Variants in MLLT6 observed in about 807,000 individuals in gnomAD.
MLLT6 encodes protein AF-17.
MLLT6 carries 22 observed loss-of-function variants against 103.0 expected under a neutral mutation model. The observed-to-expected ratio is 0.21, with a 90% CI of 0.15 to 0.31. The LOEUF (loss-of-function observed/expected upper bound fraction) is 0.31, where lower values mean the gene tolerates loss of function less well. Ranked by LOEUF, MLLT6 falls within the 10% of genes least tolerant of loss-of-function variation. The pLI, the probability that MLLT6 is intolerant of heterozygous loss-of-function variation, is 1.00. For synonymous variants in MLLT6, 606 were observed against 623.5 expected, an observed-to-expected ratio of 0.97 and a Z score of 0.42; for missense variants, 1,199 against 1,441.7, an observed-to-expected ratio of 0.83 and a Z score of 2.73.
Position 38,729,669 on chromosome 17 carries a change from A to G in MLLT6, c.*4071A>G, listed in dbSNP as rs1034964855. 8.7e-6 allele frequency: 2 copies of G among 229,084 alleles called. No individual in the cohort carries two copies. The highest frequency in any genetic ancestry group is 4.4e-5 in the African/African-American group (2 of 44,978). 14.2% of individuals were successfully genotyped at this position (229,084 alleles called of 1,614,324 possible). A position where few individuals can be genotyped will look rare whatever the true frequency, so the allele number is the denominator to read the frequency against. ...AGGCGATGCCCCCCTGCCACCTCCAAGCCTGGAATTGTGCATAACCCGGAT... is the reference window on the plus strand; with the variant it reads ...AGGCGATGCCCCCCTGCCACCTCCAGGCCTGGAATTGTGCATAACCCGGAT... On this transcript the variant is annotated 3_prime_UTR_variant, in exon 20 of 20. Coordinates refer to ENST00000621332, the MANE Select transcript of MLLT6 (RefSeq NM_005937.4).
intron 6 of MLLT6, among the ~76,000 whole-genome samples, chr17:38,711,099 G>T (rs997910166): frequency 2.2e-4 from 33 of 152,148 alleles, no homozygotes; most frequent in African/African-American, 7.7e-4. Flanking sequence ...GCTGCCCACT[G>T]GTCAGATAAG....
In MLLT6 at chr17:38,715,791, C is replaced by T. The variant is rs746487354; in HGVS notation, c.999C>T (p.Ser333=). ...SFTSASSSSS[S]SSSSSGGPFQ... ...CCTCCGCCTCCTCTTCTTCCTCCTC[C>T]TCTTCCTCCTCCTCTGGGGGGCCCT... is the stretch of plus-strand genomic sequence containing the variant. The change falls in exon 9 of 20, where the codon TCC becomes TCT. Residue 333 remains serine (S), a synonymous_variant. Transcript: ENST00000621332. 1 of 1,608,124 alleles carries T rather than the reference C, an allele frequency of 6.2e-7. No individual in the cohort carries two copies. The highest frequency in any genetic ancestry group is 1.1e-5 in the South Asian group (1 of 90,052).
At chr17:38,717,351 G>A in intron 10 of MLLT6, 81 bp from the exon 11 acceptor site, 8 of 1,162,926 alleles carry the variant, frequency 6.9e-6, no homozygotes, top group Non-Finnish European at 8.6e-6. Context: ...TCGAGCTGGG[G>A]AGGGGCTGTC....
At chr17:38,723,782 G>T (rs565488130) in intron 18 of MLLT6, among the ~76,000 whole-genome samples, 218 of 144,728 alleles carry the variant, frequency 1.5e-3, no homozygotes, top group Non-Finnish European at 2.8e-3. Flanking sequence ...CACTCTTGTT[G>T]CCCAGGCTGG....
chr17:38,720,027 G>A, intron 14 of MLLT6, 132 bp downstream of exon 14: 1 of 1,273,850 alleles, frequency 7.9e-7, no homozygotes, highest in South Asian at 1.5e-5. Context: ...GGCCACCCCG[G>A]GCCTCACCTC....
At chr17:38,717,302 G>T in intron 10 of MLLT6, 130 bp from the exon 11 acceptor site, 1 of 797,426 alleles carries the variant, frequency 1.3e-6, no homozygotes. Context: ...TGCAGCAAGA[G>T]GGTTAGACTG....
Position 38,728,175 on chromosome 17 carries a change from C to T in MLLT6, c.*2577C>T, listed in dbSNP as rs1403769445. ...GTATGAACGGGTGCAGCCCTCTTCTCCTCTTCCCCCCCACATCTCTCATGA... is the reference window on the plus strand; with the variant it reads ...GTATGAACGGGTGCAGCCCTCTTCTTCTCTTCCCCCCCACATCTCTCATGA... On this transcript the variant is annotated 3_prime_UTR_variant, in exon 20 of 20. Coordinates refer to ENST00000621332, the MANE Select transcript of MLLT6 (RefSeq NM_005937.4). The T allele has an allele frequency of 4.3e-6, 1 of 233,210 alleles. No individual in the cohort carries two copies. Among genetic ancestry groups the T allele is most frequent in the Non-Finnish European group, 8.5e-6 (1 of 118,126 alleles). 14.4% of individuals were successfully genotyped at this position (233,210 alleles called of 1,614,324 possible).
Position 38,708,137 on chromosome 17 carries a change from CATTTT to C in MLLT6, c.354+269_354+273del, listed in dbSNP as rs978225408. ...ACTTCATTCATTCATTCGCTGGACA[CATTTT>C]ATTAAGTGCCTACTATGTGCCAGAC... On this transcript the variant is annotated intron_variant, in intron 4 of 19. Coordinates refer to ENST00000621332, the MANE Select transcript of MLLT6 (RefSeq NM_005937.4). The C allele has an allele frequency of 3.0e-4, 154 of 513,554 alleles. 3 individuals are homozygous for C. The highest frequency in any genetic ancestry group is 2.5e-3 in the South Asian group (108 of 43,650). 31.8% of individuals were successfully genotyped at this position (513,554 alleles called of 1,614,324 possible). A position where few individuals can be genotyped will look rare whatever the true frequency, so the allele number is the denominator to read the frequency against.
rs1330001161 is a variant in MLLT6 at position 38,712,851 on chromosome 17, C to T, written c.819+62C>T. The T allele has an allele frequency of 1.9e-5, 24 of 1,278,194 alleles. No homozygotes were observed. In the East Asian group the frequency reaches 4.0e-4, roughly 21 times the overall value. 79.2% of individuals were successfully genotyped at this position (1,278,194 alleles called of 1,614,324 possible). A position where few individuals can be genotyped will look rare whatever the true frequency, so the allele number is the denominator to read the frequency against. Reference sequence around the variant, plus strand: ...GTCTGGGGTGGCAGAGGGAGGGAGGCGGGGGCGAGAGGTTGGTGAGTCAGG... The same window carrying T: ...GTCTGGGGTGGCAGAGGGAGGGAGGTGGGGGCGAGAGGTTGGTGAGTCAGG... On this transcript the variant is annotated intron_variant, in intron 8 of 19. Transcript: ENST00000621332.
Position 38,707,229 on chromosome 17 carries a change from G to GCT in MLLT6, c.189+201_189+202dup, listed in dbSNP as rs538079682. ...CCCTCTGCCCCACCTCAGGCATGGG[G>GCT]CTTTGGTTTTTGTCTGTTTGAACTT... On this transcript the variant is annotated intron_variant, in intron 2 of 19. Transcript: ENST00000621332. Among the ~76,000 whole-genome samples the GCT allele has an allele frequency of 2.5e-3, 380 of 152,270 alleles. 1 individual carries two copies. The highest frequency in any genetic ancestry group is 8.8e-3 in the African/African-American group (364 of 41,536).
At chr17:38,720,346 C>T (rs1390535003) in intron 14 of MLLT6, 26 bp from the exon 15 acceptor site, 8 of 1,581,874 alleles carry the variant, frequency 5.1e-6, no homozygotes, top group East Asian at 2.3e-5. Context: ...CTCGCCCCTC[C>T]CTCAGGTTCC....
chr17:38,705,581 G>T lies in MLLT6; in HGVS notation c.-52G>T. ...GCTCCCTCCCTCCCCCCTGACCCCC[G>T]ACCCCCGCCGGCCGGCCCCCCGCCC... On this transcript the variant is annotated 5_prime_UTR_variant, in exon 1 of 20. Coordinates refer to ENST00000621332, the MANE Select transcript of MLLT6 (RefSeq NM_005937.4). The T allele has an allele frequency of 5.9e-6, 1 of 169,470 alleles. No homozygotes were observed. The allele number at this position is 169,470 out of a possible 1,614,324, so 10.5% of individuals were successfully genotyped here.
intron 8 of MLLT6, chr17:38,713,724 C>G (rs72836948): frequency 6.6e-6 from 1 of 152,256 alleles, no homozygotes. Context: ...GGGAGTTTTT[C>G]CAGTAACTGG....
intron 6 of MLLT6, among the ~76,000 whole-genome samples, 154 bp from the exon 7 acceptor site, chr17:38,711,690 TCTG>T (rs886524311): frequency 6.6e-6 from 1 of 152,150 alleles, no homozygotes; most frequent in Non-Finnish European, 1.5e-5. Flanking sequence ...GGAACACCCT[TCTG>T]CTGAGCAGAG....
chr17:38,724,530 T>TG lies in MLLT6; in HGVS notation c.2884-86dup. On this transcript the variant is annotated intron_variant, in intron 18 of 19. Coordinates refer to ENST00000621332, the MANE Select transcript of MLLT6 (RefSeq NM_005937.4). This position sits in a 1 kb window ranked among gnomAD's most constrained non-coding sequence, Gnocchi z 5.4. The stretch of plus-strand genomic sequence containing the variant: ...CTCTTGCCTCCTGATTCCAGTGTGA[T>TG]GGGGTGGGGCCTGGCCAGGCAGGGC... 1 of 954,844 alleles carries TG rather than the reference T, an allele frequency of 1.0e-6. No individual in the cohort carries two copies. Among genetic ancestry groups the TG allele is most frequent in the East Asian group, 2.6e-5 (1 of 38,484 alleles). The allele number at this position is 954,844 out of a possible 1,614,324, so 59.1% of individuals were successfully genotyped here.
At position 38,705,467 on chromosome 17, in the gene MLLT6, A is replaced by C; in HGVS notation, c.-166A>C. On this transcript the variant is annotated 5_prime_UTR_variant, in exon 1 of 20. Transcript: ENST00000621332. The stretch of plus-strand genomic sequence containing the variant: ...GCGAGCGAGGAGGAGGAGGAGGAGG[A>C]CGCGGAGGAGGAGGAAGGAGGAGGC... The C allele has an allele frequency of 2.3e-6, 1 of 427,428 alleles. No homozygotes were observed. Among genetic ancestry groups the C allele is most frequent in the Non-Finnish European group, 4.2e-6 (1 of 236,978 alleles). 26.5% of individuals were successfully genotyped at this position (427,428 alleles called of 1,614,324 possible).
At position 38,705,368 on chromosome 17, in the gene MLLT6, C is replaced by G. The variant is rs1904850856; in HGVS notation, c.-265C>G. Among the ~76,000 whole-genome samples, 1 of 140,970 alleles carries G rather than the reference C, an allele frequency of 7.1e-6. No individual in the cohort carries two copies. Among genetic ancestry groups the G allele is most frequent in the Admixed American group, 6.9e-5 (1 of 14,448 alleles). 92.5% of individuals were successfully genotyped at this position (140,970 alleles called of 152,430 possible). ...GCGCGGAGGGGGCGAGCCCGGCGTGCGAGTCTCATTGTTGTGGGGGGGGCC... is the reference window on the plus strand; with the variant it reads ...GCGCGGAGGGGGCGAGCCCGGCGTGGGAGTCTCATTGTTGTGGGGGGGGCC... On this transcript the variant is annotated 5_prime_UTR_variant, in exon 1 of 20. Coordinates refer to ENST00000621332, the MANE Select transcript of MLLT6 (RefSeq NM_005937.4).
At chr17:38,712,354 A>G (rs1905171638) in intron 7 of MLLT6, among the ~76,000 whole-genome samples, 1 of 152,208 alleles carries the variant, frequency 6.6e-6, no homozygotes. Flanking sequence ...CTCGCGCCAC[A>G]TAGCACAGCG....
rs1598004183 is a variant in MLLT6, at chr17:38,724,958, C to T, written c.3222C>T (p.Gly1074=). ...GCCTGTCGGGAGCAGAGGGCAGTGG[C>T]GGTGGCCCCAAAGGAGGGGTGAGTA... is the stretch of plus-strand genomic sequence containing the variant. ...FLSLSGAEGS[G]GGPKGGTADK... Residue 1074 remains glycine, a synonymous_variant, in exon 19 of 20, where the codon GGC becomes GGT. Coordinates refer to ENST00000621332, the MANE Select transcript of MLLT6 (RefSeq NM_005937.4). This position sits in a 1 kb window ranked among gnomAD's most constrained non-coding sequence, Gnocchi z 5.4. 1.9e-6 allele frequency: 3 copies of T among 1,539,842 alleles called. No homozygotes were observed. Among genetic ancestry groups the T allele is most frequent in the Non-Finnish European group, 2.6e-6 (3 of 1,139,176 alleles).
Sources: gnomAD v4.1 joint callset for allele counts (sites outside exome capture counted in the v4.1 genomes callset) on GRCh38, gnomAD v4.1.1 for gene constraint, Gnocchi (gnomAD v3.1) non-coding constraint, MANE v1.5 for transcripts, NCBI Gene and HGNC (gene_info 2026-07-23, HGNC 2026-07-21) for gene names.